The following KCTD16 variants were observed in gnomAD, a reference collection of about 807,000 sequenced individuals.
KCTD16 encodes the protein potassium channel tetramerization domain containing 16.
In KCTD16, 13 loss-of-function variants were observed where a neutral mutation model predicts 33.2. That is an observed-to-expected ratio of 0.39 (90% CI 0.25 to 0.62). The LOEUF is 0.62. Among genes scored for constraint, KCTD16 ranks in the 20% least tolerant of loss-of-function variants. The pLI, the probability that KCTD16 is intolerant of heterozygous loss-of-function variation, is 0.50. For missense variants in KCTD16, 441 were observed against 525.1 expected, an observed-to-expected ratio of 0.84 and a Z score of 1.57; for synonymous variants, 197 against 195.3, an observed-to-expected ratio of 1.01 and a Z score of -0.07.
At chr5:144,267,409 G>A (rs1012279406) in intron 3 of KCTD16, among the ~76,000 whole-genome samples, 8 of 152,156 alleles carry the variant, frequency 5.3e-5, no homozygotes, top group African/African-American at 1.9e-4. Context: ...GGCATGGGAA[G>A]CACTTTAAAA....
chr5:144,333,470 G>A (rs968278341), intron 3 of KCTD16, among the ~76,000 whole-genome samples: 8 of 152,140 alleles, frequency 5.3e-5, no homozygotes, highest in Non-Finnish European at 1.2e-4. Context: ...AAGCCTTTAT[G>A]TAGCCTGAGA....
chr5:144,256,269 C>T (rs1754844690), intron 3 of KCTD16, among the ~76,000 whole-genome samples: 1 of 152,168 alleles, frequency 6.6e-6, no homozygotes. Context: ...CGGATATAAA[C>T]ATCACATTCT....
At chr5:144,384,887 GA>G (rs1342701824) in intron 3 of KCTD16, among the ~76,000 whole-genome samples, 3 of 152,172 alleles carry the variant, frequency 2.0e-5, no homozygotes, top group African/African-American at 4.8e-5. Context: ...AGCATGTAAG[GA>G]AGAGTCAATA....
intron 3 of KCTD16, among the ~76,000 whole-genome samples, chr5:144,221,553 T>C (rs1230264223): frequency 6.6e-6 from 1 of 152,306 alleles, no homozygotes; most frequent in East Asian, 1.9e-4. Context: ...TTGCTGAGAA[T>C]GATGGTTTCC....
At chr5:144,336,038 T>C (rs1355226969) in intron 3 of KCTD16, among the ~76,000 whole-genome samples, 1 of 152,206 alleles carries the variant, frequency 6.6e-6, no homozygotes, top group Non-Finnish European at 1.5e-5. Flanking sequence ...AGATGCCCCA[T>C]GTCCAGTGCC....
chr5:144,331,964 A>G (rs1752373577), intron 3 of KCTD16, among the ~76,000 whole-genome samples: 3 of 152,164 alleles, frequency 2.0e-5, no homozygotes, highest in African/African-American at 7.2e-5. Flanking sequence ...GACCCTCTTG[A>G]CCATTGATAT....
At chr5:144,410,142 T>C (rs1327841206) in intron 3 of KCTD16, among the ~76,000 whole-genome samples, 1 of 152,118 alleles carries the variant, frequency 6.6e-6, no homozygotes, top group African/African-American at 2.4e-5. Flanking sequence ...AAGGAGGAGA[T>C]GACTGGGAAA....
chr5:144,350,898 T>G (rs1055967510), intron 3 of KCTD16, among the ~76,000 whole-genome samples: 6 of 152,182 alleles, frequency 3.9e-5, no homozygotes, highest in Non-Finnish European at 7.4e-5. Flanking sequence ...ACTAGAGAAT[T>G]GTCATGCAGC....
chr5:144,457,047 G>A (rs562885867), intron 3 of KCTD16, among the ~76,000 whole-genome samples: 2 of 152,250 alleles, frequency 1.3e-5, no homozygotes, highest in East Asian at 3.9e-4. Context: ...AACTATATTT[G>A]AATAAAATAC....
intron 3 of KCTD16, among the ~76,000 whole-genome samples, chr5:144,391,275 G>A (rs775062571): frequency 3.9e-5 from 6 of 152,198 alleles, no homozygotes; most frequent in Non-Finnish European, 8.8e-5. Flanking sequence ...GCTTTGGCAT[G>A]AACTAATGGT....
intron 3 of KCTD16, among the ~76,000 whole-genome samples, chr5:144,461,168 T>C (rs1464108628): frequency 1.3e-5 from 2 of 152,326 alleles, no homozygotes; most frequent in East Asian, 3.9e-4. Context: ...GGCTGCTCTA[T>C]ATAATTGCAT....
rs142858347 is a variant in KCTD16 at position 144,261,797 on chromosome 5, T to G, written c.832+54251T>G. 4.6e-3 allele frequency among the ~76,000 whole-genome samples: 707 copies of G among 152,326 alleles called. 5 individuals carry two copies. The highest frequency in any genetic ancestry group is 5.0e-3 in the Non-Finnish European group (339 of 68,020). ...TTCACCAGTTGGCCTTCTCCCAACC[T>G]CATCAAGTACCCACAACCCATGTAC... On this transcript the variant is annotated intron_variant, in intron 3 of 3. Coordinates refer to ENST00000512467, the MANE Select transcript of KCTD16 (RefSeq NM_020768.4).
intron 2 of KCTD16, among the ~76,000 whole-genome samples, chr5:144,200,691 G>A (rs552959421): frequency 2.0e-4 from 31 of 152,246 alleles, no homozygotes; most frequent in East Asian, 9.7e-4. Context: ...GGCTAAATAC[G>A]GCACTAGGGA....
intron 3 of KCTD16, among the ~76,000 whole-genome samples, chr5:144,223,122 A>G (rs577620001): frequency 2.6e-4 from 39 of 152,266 alleles, no homozygotes; most frequent in South Asian, 6.2e-4. Context: ...GAAGGGGAAC[A>G]TCACACACCA....
At chr5:144,363,479 T>C (rs535185389) in intron 3 of KCTD16, among the ~76,000 whole-genome samples, 7 of 152,220 alleles carry the variant, frequency 4.6e-5, no homozygotes, top group East Asian at 1.9e-4. Context: ...GGTGGCCCCA[T>C]TTTAGTGACT....
rs1561558186 is a variant in KCTD16, at chr5:144,299,065, TATATATA to T, written c.832+91520_832+91526del. ...ATCACTATATATATATATATATATA[TATATATA>T]TTTTTGTATATATATATCACTATGT... On this transcript the variant is annotated intron_variant, in intron 3 of 3. Transcript: ENST00000512467. Among the ~76,000 whole-genome samples the T allele has an allele frequency of 8.8e-4, 74 of 84,446 alleles. 3 individuals carry two copies. The highest frequency in any genetic ancestry group is 2.1e-3 in the African/African-American group (36 of 16,976). 55.4% of individuals were successfully genotyped at this position (84,446 alleles called of 152,430 possible).
intron 3 of KCTD16, among the ~76,000 whole-genome samples, chr5:144,280,076 T>C (rs1336860593): frequency 6.6e-6 from 1 of 152,174 alleles, no homozygotes; most frequent in African/African-American, 2.4e-5. Flanking sequence ...TTTAATATTG[T>C]GTTGAAGTTT....
intron 3 of KCTD16, among the ~76,000 whole-genome samples, chr5:144,209,786 A>G (rs1408470618): frequency 8.1e-6 from 1 of 123,012 alleles, no homozygotes; most frequent in Admixed American, 8.7e-5. Context: ...GCTTAGGGGG[A>G]AATATATATA....
chr5:144,460,304 A>G (rs4334914), intron 3 of KCTD16, among the ~76,000 whole-genome samples: 71,428 of 151,932 alleles, frequency 0.47, 17,270 homozygotes, highest in East Asian at 0.67. Context: ...GCTTCTTTTG[A>G]ATTCTAGTCC....
Sources: allele counts gnomAD v4.1 joint callset (sites outside exome capture counted in the v4.1 genomes callset), GRCh38; gene constraint gnomAD v4.1.1; transcripts MANE v1.5; gene names NCBI Gene and HGNC (gene_info 2026-07-23, HGNC 2026-07-21).